SLC1A2: variants seen among roughly 807,000 people sequenced by gnomAD.
SLC1A2 encodes solute carrier family 1 member 2, also known as excitatory amino acid transporter 2.
Under a neutral mutation model 48.8 loss-of-function variants are expected in SLC1A2, and 15 were observed. The ratio of observed to expected loss-of-function variants is 0.31; its 90% CI spans 0.21 to 0.47. SLC1A2 has a LOEUF of 0.47. Ranked by LOEUF, SLC1A2 falls within the 20% of genes least tolerant of loss-of-function variation. The pLI is 0.99. For synonymous variants in SLC1A2, 279 were observed against 272.6 expected (o/e 1.02, Z -0.23); for missense variants, 502 against 730.5 (o/e 0.69, Z 3.61).
intron 6 of SLC1A2, among the ~76,000 whole-genome samples, chr11:35,293,154 A>C (rs1851065345): frequency 6.6e-6 from 1 of 152,214 alleles, no homozygotes; most frequent in African/African-American, 2.4e-5. Flanking sequence ...AGAGCTGCAC[A>C]CCCATTCCCT....
At chr11:35,272,942 T>C (rs1322250983) in intron 9 of SLC1A2, among the ~76,000 whole-genome samples, 1 of 152,150 alleles carries the variant, frequency 6.6e-6, no homozygotes. Flanking sequence ...AGGTACTCTC[T>C]CTCATCTTCA....
intron 1 of SLC1A2, among the ~76,000 whole-genome samples, chr11:35,337,828 G>C (rs945851247): frequency 2.6e-5 from 4 of 152,026 alleles, no homozygotes; most frequent in Admixed American, 2.0e-4. Context: ...TATGTGGAGG[G>C]GAAGCTCCAC....
chr11:35,311,923 GC>G (rs1296042001), intron 4 of SLC1A2, among the ~76,000 whole-genome samples: 1 of 4,982 alleles, frequency 2.0e-4, no homozygotes, highest in Non-Finnish European at 5.5e-4. Flanking sequence ...AGAGAGAGAG[GC>G]GGGGGGGGGG....
At chr11:35,348,062 CCTTT>C (rs1283181016) in intron 1 of SLC1A2, among the ~76,000 whole-genome samples, 3 of 152,178 alleles carry the variant, frequency 2.0e-5, no homozygotes, top group Non-Finnish European at 4.4e-5. Context: ...TGAATTCAGG[CCTTT>C]CTTATTCATG....
intron 3 of SLC1A2, 84 bp downstream of exon 3, chr11:35,314,927 TCACATTCACTCA>T: frequency 1.2e-6 from 1 of 826,808 alleles, no homozygotes. Context: ...ACATAGACGA[TCACATTCACTCA>T]ACCAAATTGA....
At chr11:35,310,869 A>G (rs568302015) in intron 4 of SLC1A2, among the ~76,000 whole-genome samples, 1 of 152,322 alleles carries the variant, frequency 6.6e-6, no homozygotes, top group Non-Finnish European at 1.5e-5. Context: ...ATAGGCATGT[A>G]TGCAGCAAGC....
intron 9 of SLC1A2, among the ~76,000 whole-genome samples, chr11:35,279,327 C>T (rs182258336): frequency 1.3e-5 from 2 of 152,366 alleles, no homozygotes; most frequent in Admixed American, 1.3e-4. Context: ...GACTTTCCCA[C>T]CTTTGTGAAT....
chr11:35,354,052 T>C (rs1311641271), intron 1 of SLC1A2, among the ~76,000 whole-genome samples: 3 of 152,172 alleles, frequency 2.0e-5, no homozygotes, highest in Non-Finnish European at 4.4e-5. Context: ...CTAGAAACCC[T>C]TGGGTCTGAT....
At chr11:35,269,198 G>A (rs1334349739) in intron 9 of SLC1A2, among the ~76,000 whole-genome samples, 7 of 152,102 alleles carry the variant, frequency 4.6e-5, no homozygotes, top group Non-Finnish European at 8.8e-5. Flanking sequence ...GAGGAAGCAG[G>A]CCCTCACCAG....
At chr11:35,280,754 G>A (rs781006344) in intron 9 of SLC1A2, 113 bp downstream of exon 9, 1 of 637,268 alleles carries the variant, frequency 1.6e-6, no homozygotes, top group Non-Finnish European at 2.7e-6. Flanking sequence ...GGAAGGAAGA[G>A]TGAGGGAGTT....
intron 1 of SLC1A2, among the ~76,000 whole-genome samples, chr11:35,326,182 T>C (rs1852245939): frequency 1.3e-5 from 2 of 152,226 alleles, no homozygotes; most frequent in South Asian, 4.2e-4. Context: ...TTGGGGAAAC[T>C]GATGAGGACC....
At chr11:35,406,611 G>A (rs955712756) in intron 1 of SLC1A2, among the ~76,000 whole-genome samples, 3 of 151,926 alleles carry the variant, frequency 2.0e-5, no homozygotes, top group East Asian at 1.9e-4. Context: ...GTAGAAATTA[G>A]TAAGCTTGTA....
At chr11:35,265,376 T>C (rs1279140463) in intron 10 of SLC1A2, 151 bp downstream of exon 10, 2 of 603,560 alleles carry the variant, frequency 3.3e-6, no homozygotes, top group Admixed American at 6.2e-5. Flanking sequence ...AATTAGATGA[T>C]CTGGGACTCA....
At chr11:35,317,662 C>T (rs754344513) in intron 1 of SLC1A2, 146 bp from the exon 2 acceptor site, 15 of 944,076 alleles carry the variant, frequency 1.6e-5, no homozygotes, top group South Asian at 3.2e-5. Context: ...CTCAGGGTCA[C>T]CTATAAGCAG....
intron 1 of SLC1A2, among the ~76,000 whole-genome samples, chr11:35,318,815 A>ACATTTTGTTC (rs1178221027): frequency 1.3e-5 from 2 of 152,226 alleles, no homozygotes; most frequent in African/African-American, 2.4e-5. Context: ...GACAAGGATG[A>ACATTTTGTTC]CATTTTGTTC....
At chr11:35,263,779 C>T (rs1023092751) in intron 10 of SLC1A2, among the ~76,000 whole-genome samples, 3 of 152,144 alleles carry the variant, frequency 2.0e-5, no homozygotes, top group Admixed American at 6.5e-5. Flanking sequence ...ATTCTTTTTG[C>T]TGTCCTCCAG....
intron 7 of SLC1A2, among the ~76,000 whole-genome samples, chr11:35,291,039 C>T (rs898428784): frequency 1.3e-5 from 2 of 152,146 alleles, no homozygotes; most frequent in East Asian, 3.9e-4. Context: ...CCTGCTGCGT[C>T]ATGCAGTGGC....
At chr11:35,324,296 G>T (rs926500242) in intron 1 of SLC1A2, among the ~76,000 whole-genome samples, 2 of 152,224 alleles carry the variant, frequency 1.3e-5, no homozygotes, top group Non-Finnish European at 2.9e-5. Context: ...TAAAACACCA[G>T]CTCTGATGAG....
chr11:35,296,145 A>T (rs1224761617), intron 6 of SLC1A2, among the ~76,000 whole-genome samples: 1 of 152,220 alleles, frequency 6.6e-6, no homozygotes, highest in Admixed American at 6.5e-5. Flanking sequence ...CAACTACTTC[A>T]GGATCTTTGA....
Sources: gnomAD v4.1 joint callset for allele counts (sites outside exome capture counted in the v4.1 genomes callset) on GRCh38, gnomAD v4.1.1 for gene constraint, MANE v1.5 for transcripts, NCBI Gene and HGNC (gene_info 2026-07-23, HGNC 2026-07-21) for gene names.